Variants in ACYP2 observed in about 807,000 individuals in gnomAD.
The protein encoded by ACYP2 is acylphosphatase 2, also known as acylphosphatase-2.
In ACYP2, 12 loss-of-function variants were observed where a neutral mutation model predicts 11.2. That is an observed-to-expected ratio of 1.08 (90% CI 0.69 to 1.74). ACYP2 has a LOEUF of 1.74. Among genes scored for constraint, ACYP2 ranks in the 40% most tolerant of loss-of-function variants. ACYP2 has a pLI of 0.00. For synonymous variants in ACYP2, 43 were observed against 32.2 expected, an observed-to-expected ratio of 1.33 and a Z score of -1.13; for missense variants, 134 against 101.9, an observed-to-expected ratio of 1.31 and a Z score of -1.35.
chr2:54,280,101 AC>A (rs1688779534), intron 6 of ACYP2, among the ~76,000 whole-genome samples: 1 of 152,226 alleles, frequency 6.6e-6, no homozygotes, highest in African/African-American at 2.4e-5. Flanking sequence ...TAGGAAAGTT[AC>A]AAATCTGTTT....
intron 6 of ACYP2, among the ~76,000 whole-genome samples, chr2:54,286,572 C>T (rs373430999): frequency 6.6e-6 from 1 of 152,146 alleles, no homozygotes; most frequent in East Asian, 1.9e-4. Flanking sequence ...TACCAGGCAA[C>T]TGAAAATATA....
At chr2:54,289,045 A>G (rs843729) in intron 6 of ACYP2, among the ~76,000 whole-genome samples, 62,339 of 151,836 alleles carry the variant, frequency 0.41, 13,310 homozygotes, top group Admixed American at 0.51. Flanking sequence ...ATATATAAGT[A>G]GCTTTCAATT....
At chr2:54,208,785 C>T (rs1685202741) in intron 6 of ACYP2, among the ~76,000 whole-genome samples, 1 of 151,594 alleles carries the variant, frequency 6.6e-6, no homozygotes. Context: ...TACAGTATTA[C>T]ATAATATTCT....
chr2:54,159,101 C>CCA (rs1433004820), intron 6 of ACYP2, among the ~76,000 whole-genome samples: 1 of 151,878 alleles, frequency 6.6e-6, no homozygotes, highest in Non-Finnish European at 1.5e-5. Flanking sequence ...TACTATAAAA[C>CCA]CACTCCTGGT....
At chr2:54,064,298 C>T (rs1382523407) in intron 4 of ACYP2, among the ~76,000 whole-genome samples, 1 of 152,180 alleles carries the variant, frequency 6.6e-6, no homozygotes, top group Admixed American at 6.5e-5. Context: ...GACCTAGTCT[C>T]AGCCAGTCAA....
In ACYP2 at chr2:54,026,333, A is replaced by G. The variant is rs567122000; in HGVS notation, c.63-24625A>G. Among the ~76,000 whole-genome samples the G allele has an allele frequency of 6.8e-4, 104 of 152,276 alleles. 1 individual carries two copies. The highest frequency in any genetic ancestry group is 3.4e-3 in the Middle Eastern group (1 of 294). On this transcript the variant is annotated intron_variant, in intron 2 of 6. Transcript: ENST00000607452. ...CATGAAAAAATGCTCAACATCACTA[A>G]TTATTGGTGAAATGCAAATCAAAAC...
chr2:53,993,742 T>A (rs1156468397), intron 2 of ACYP2, among the ~76,000 whole-genome samples: 1 of 151,880 alleles, frequency 6.6e-6, no homozygotes, highest in Admixed American at 6.6e-5. Context: ...AAGCTATTTC[T>A]GGTAGTCTCT....
At chr2:54,055,685 A>G (rs1266317405) in intron 3 of ACYP2, among the ~76,000 whole-genome samples, 3 of 152,322 alleles carry the variant, frequency 2.0e-5, no homozygotes, top group East Asian at 1.9e-4. Context: ...GACACCCTCC[A>G]TATACTACAT....
intron 6 of ACYP2, among the ~76,000 whole-genome samples, chr2:54,295,778 T>G (rs1042479633): frequency 6.6e-6 from 1 of 152,108 alleles, no homozygotes; most frequent in Non-Finnish European, 1.5e-5. Context: ...TTTGTGTGTG[T>G]GAGACAGAGT....
chr2:54,029,608 C>T, intron 2 of ACYP2: 1 of 385,030 alleles, frequency 2.6e-6, no homozygotes, highest in Admixed American at 3.1e-5. Context: ...TTCTCTTTGG[C>T]TTCCTTCTTT....
intron 6 of ACYP2, among the ~76,000 whole-genome samples, chr2:54,205,103 G>C (rs145678649): frequency 6.6e-6 from 1 of 152,158 alleles, no homozygotes; most frequent in Non-Finnish European, 1.5e-5. Context: ...CTCCATTCTG[G>C]TTTCCCTCCT....
intron 6 of ACYP2, among the ~76,000 whole-genome samples, chr2:54,241,675 A>G (rs1686735275): frequency 6.6e-6 from 1 of 152,196 alleles, no homozygotes; most frequent in African/African-American, 2.4e-5. Flanking sequence ...TTTCACTTGT[A>G]TCAGATTTAT....
At chr2:54,246,042 A>C (rs986558806) in intron 6 of ACYP2, among the ~76,000 whole-genome samples, 28 of 152,196 alleles carry the variant, frequency 1.8e-4, no homozygotes, top group African/African-American at 5.3e-4. Flanking sequence ...GTAGAGTGAG[A>C]GATGGAGGTC....
At chr2:54,206,624 T>A (rs1685078128) in intron 6 of ACYP2, among the ~76,000 whole-genome samples, 1 of 152,236 alleles carries the variant, frequency 6.6e-6, no homozygotes, top group South Asian at 2.1e-4. Context: ...ATTAGTATTT[T>A]GTAAACTCTC....
At chr2:54,031,625 C>T (rs1291920972) in intron 2 of ACYP2, among the ~76,000 whole-genome samples, 3 of 152,112 alleles carry the variant, frequency 2.0e-5, no homozygotes, top group Non-Finnish European at 2.9e-5. Flanking sequence ...ATTTATAGTC[C>T]TTTGAGTATA....
intron 6 of ACYP2, chr2:54,142,087 T>G (rs115376129): frequency 2.5e-6 from 1 of 398,768 alleles, no homozygotes; most frequent in African/African-American, 2.0e-5. Context: ...TTGCTCAGGC[T>G]GGTATAGGAC....
Position 54,051,026 on chromosome 2 carries a change from G to C in ACYP2, c.131G>C (p.Gly44Ala). The change falls in exon 3 of 7, where the codon GGC (glycine) becomes GCC (alanine). Residue 44 changes from glycine (G) to alanine (A), a missense_variant. Transcript: ENST00000607452. ...AATGTCAAGCTATCCTCCTGCCTCGGCCTCCCATGCTGTTGGGATTACAGG... is the reference window on the plus strand; with the variant it reads ...AATGTCAAGCTATCCTCCTGCCTCGCCCTCCCATGCTGTTGGGATTACAGG... 2.2e-6 allele frequency: 1 copy of C among 458,240 alleles called. No individual in the cohort carries two copies. The allele number at this position is 458,240 out of a possible 1,614,324, so 28.4% of individuals were successfully genotyped here. A position where few individuals can be genotyped will look rare whatever the true frequency, so the allele number is the denominator to read the frequency against.
chr2:53,985,787 G>T (rs893746510), intron 2 of ACYP2, among the ~76,000 whole-genome samples: 1 of 152,156 alleles, frequency 6.6e-6, no homozygotes, highest in East Asian at 1.9e-4. Context: ...AATGATGAGT[G>T]AGTTCAGGCT....
At chr2:54,145,153 T>G (rs969012230) in intron 6 of ACYP2, among the ~76,000 whole-genome samples, 2 of 152,204 alleles carry the variant, frequency 1.3e-5, no homozygotes, top group Non-Finnish European at 2.9e-5. Context: ...AATTCCCAGT[T>G]AAAACTTTTA....
Sources: gnomAD v4.1 joint callset for allele counts (sites outside exome capture counted in the v4.1 genomes callset) on GRCh38, gnomAD v4.1.1 for gene constraint, MANE v1.5 for transcripts, NCBI Gene and HGNC (gene_info 2026-07-23, HGNC 2026-07-21) for gene names.